WDR64: variants seen among roughly 807,000 people sequenced by gnomAD.
WDR64 encodes the protein WD repeat-containing protein 64.
In WDR64, 112 loss-of-function variants were observed where a neutral mutation model predicts 139.3. The observed-to-expected ratio is 0.80, with a 90% CI of 0.69 to 0.94. WDR64 has a LOEUF of 0.94. WDR64 is among the 40% of genes least tolerant of loss of function. The pLI is 0.00. For synonymous variants in WDR64, 444 were observed against 437.7 expected, an observed-to-expected ratio of 1.01 and a Z score of -0.18; for missense variants, 1,206 against 1,293.1, an observed-to-expected ratio of 0.93 and a Z score of 1.03.
chr1:241,705,196 G>A (rs1281257175), intron 8 of WDR64, among the ~76,000 whole-genome samples: 2 of 152,280 alleles, frequency 1.3e-5, no homozygotes, highest in East Asian at 1.9e-4. Context: ...ACACATGTAC[G>A]CGATGACCAC....
chr1:241,714,753 C>T (rs1455089916), intron 9 of WDR64, among the ~76,000 whole-genome samples: 1 of 152,142 alleles, frequency 6.6e-6, no homozygotes, highest in Non-Finnish European at 1.5e-5. Context: ...AAACAATGCA[C>T]TAGAAGTTAG....
chr1:241,761,720 A>G (rs774408248), intron 15 of WDR64, among the ~76,000 whole-genome samples: 2 of 152,190 alleles, frequency 1.3e-5, no homozygotes, highest in African/African-American at 2.4e-5. Context: ...CCTCTGCCCA[A>G]TCATCTAAGT....
chr1:241,738,229 C>A, intron 10 of WDR64, 134 bp from the exon 11 acceptor site: 1 of 1,114,160 alleles, frequency 9.0e-7, no homozygotes, highest in Non-Finnish European at 1.2e-6. Flanking sequence ...TTAGCAAATG[C>A]ATGCTTATCA....
chr1:241,778,140 T>C (rs1305691488), intron 21 of WDR64, among the ~76,000 whole-genome samples: 1 of 152,222 alleles, frequency 6.6e-6, no homozygotes, highest in Non-Finnish European at 1.5e-5. Context: ...AATGGATTCA[T>C]CTATTTCAAC....
chr1:241,705,563 AATAATAAT>A lies in WDR64; in HGVS notation c.975-6237_975-6230del, dbSNP rs1301625545. On this transcript the variant is annotated intron_variant, in intron 8 of 27. Coordinates refer to ENST00000437684, the MANE Select transcript of WDR64 (RefSeq NM_001367482.1). ...TCTCTAAAAAAATAAATAAATAAATAATAATAATAATAATAATAATAATAATAATAATA... is the reference window on the plus strand; with the variant it reads ...TCTCTAAAAAAATAAATAAATAAATAAATAATAATAATAATAATAATAATA... 4.1e-3 allele frequency among the ~76,000 whole-genome samples: 260 copies of A among 63,212 alleles called. 1 individual carries two copies. Among genetic ancestry groups the A allele is most frequent in the African/African-American group, 0.013 (246 of 18,728 alleles). The allele number at this position is 63,212 out of a possible 152,430, so 41.5% of individuals were successfully genotyped here.
chr1:241,691,098 T>C (rs1263541145), intron 8 of WDR64, among the ~76,000 whole-genome samples: 1 of 152,010 alleles, frequency 6.6e-6, no homozygotes, highest in African/African-American at 2.4e-5. Context: ...CTTGGATTAG[T>C]TGTAAATGTA....
intron 15 of WDR64, among the ~76,000 whole-genome samples, chr1:241,762,001 T>C (rs1007126219): frequency 1.3e-5 from 2 of 152,270 alleles, no homozygotes; most frequent in African/African-American, 4.8e-5. Flanking sequence ...TCCATGTTGC[T>C]ATTTTGACCT....
chr1:241,689,650 A>C (rs74150359), intron 8 of WDR64, among the ~76,000 whole-genome samples: 6,531 of 152,284 alleles, frequency 0.043, 466 homozygotes, highest in African/African-American at 0.15. Context: ...AGACATGGCA[A>C]GGAGGTTGGA....
intron 15 of WDR64, among the ~76,000 whole-genome samples, chr1:241,761,631 C>T (rs1376690072): frequency 3.3e-5 from 5 of 151,722 alleles, no homozygotes; most frequent in Non-Finnish European, 7.4e-5. Flanking sequence ...AAAAATTTCT[C>T]GGTAGCATGT....
intron 21 of WDR64, among the ~76,000 whole-genome samples, chr1:241,777,070 G>A (rs1157067309): frequency 6.6e-6 from 1 of 152,070 alleles, no homozygotes; most frequent in African/African-American, 2.4e-5. Flanking sequence ...ACACCCTCAG[G>A]CATCATTACA....
In WDR64 at chr1:241,790,585, A is replaced by G. The variant is rs1377578301; in HGVS notation, c.2892-6A>G. The G allele has an allele frequency of 6.9e-6, 11 of 1,602,964 alleles. No individual in the cohort carries two copies. Among genetic ancestry groups the G allele is most frequent in the Non-Finnish European group, 8.5e-6 (10 of 1,175,464 alleles). On this transcript the variant is annotated splice_polypyrimidine_tract_variant and splice_region_variant and intron_variant, in intron 24 of 27. Transcript: ENST00000437684. ...TATGTACTTATTCTTGTATCTTTAT[A>G]TGCAGATGGAGAAAAATGAGCTCAG...
At chr1:241,674,602 C>G in intron 3 of WDR64, 42 bp from the exon 4 acceptor site, 1 of 1,320,364 alleles carries the variant, frequency 7.6e-7, no homozygotes, top group Non-Finnish European at 1.1e-6. Context: ...GTTTCAGCAC[C>G]TTTACTGCTG....
intron 15 of WDR64, among the ~76,000 whole-genome samples, chr1:241,764,485 C>CA (rs1247417441): frequency 6.6e-6 from 1 of 150,696 alleles, no homozygotes; most frequent in African/African-American, 2.4e-5. Context: ...CCCATCTCTA[C>CA]AAAAAAATTT....
At chr1:241,751,653 C>T (rs112007548) in intron 14 of WDR64, among the ~76,000 whole-genome samples, 2,628 of 152,198 alleles carry the variant, frequency 0.017, 40 homozygotes, top group Middle Eastern at 0.031. Context: ...TAATATCTCT[C>T]TTATGCTTCT....
chr1:241,801,718 T>TGA lies in WDR64; in HGVS notation c.*503_*504insGA. 2.5e-6 allele frequency: 1 copy of TGA among 398,552 alleles called. No homozygotes were observed. The highest frequency in any genetic ancestry group is 4.4e-6 in the Non-Finnish European group (1 of 226,074). The allele number at this position is 398,552 out of a possible 1,614,324, so 24.7% of individuals were successfully genotyped here. On this transcript the variant is annotated 3_prime_UTR_variant, in exon 28 of 28. Coordinates refer to ENST00000437684, the MANE Select transcript of WDR64 (RefSeq NM_001367482.1). ...ATTATCTGGAAGAAAATGTCCTAAG[T>TGA]TTCTCAAAGTCAGAAATTATTTCTA...
intron 9 of WDR64, among the ~76,000 whole-genome samples, chr1:241,714,183 C>T (rs1668310728): frequency 6.6e-6 from 1 of 152,106 alleles, no homozygotes; most frequent in Non-Finnish European, 1.5e-5. Flanking sequence ...AGACAGAAGG[C>T]ATGTAGGCTT....
intron 14 of WDR64, among the ~76,000 whole-genome samples, chr1:241,750,019 A>G (rs1054803970): frequency 1.3e-5 from 2 of 152,186 alleles, no homozygotes; most frequent in Non-Finnish European, 1.5e-5. Flanking sequence ...CACCTCTGAC[A>G]TGCTTTATAC....
At chr1:241,729,418 C>T (rs956347408) in intron 10 of WDR64, among the ~76,000 whole-genome samples, 15 of 152,198 alleles carry the variant, frequency 9.9e-5, no homozygotes, top group African/African-American at 3.4e-4. Flanking sequence ...TATTCAAAGG[C>T]CCCTCATGCC....
chr1:241,708,704 G>C (rs6429294), intron 8 of WDR64, among the ~76,000 whole-genome samples: 1 of 42,710 alleles, frequency 2.3e-5, no homozygotes, highest in Non-Finnish European at 5.0e-5. Context: ...TTTTTTTTTT[G>C]TTTTTTTGTT....
Sources: gnomAD v4.1 joint callset for allele counts (sites outside exome capture counted in the v4.1 genomes callset) on GRCh38, gnomAD v4.1.1 for gene constraint, MANE v1.5 for transcripts, NCBI Gene and HGNC (gene_info 2026-07-23, HGNC 2026-07-21) for gene names.